The following SYNJ2 variants were observed in gnomAD, a reference collection of about 807,000 sequenced individuals.
SYNJ2 encodes polyphosphatidylinositol phosphatase SYNJ2.
A neutral mutation model predicts 141.3 loss-of-function variants in SYNJ2; 116 were observed. The ratio of observed to expected loss-of-function variants is 0.82; its 90% CI spans 0.71 to 0.96. The LOEUF (loss-of-function observed/expected upper bound fraction) is 0.96, where lower values mean the gene tolerates loss of function less well. Among genes scored for constraint, SYNJ2 ranks in the 40% least tolerant of loss-of-function variants. The pLI is 0.00. For missense variants in SYNJ2, 1,873 were observed against 1,934.8 expected (o/e 0.97, Z 0.60); for synonymous variants, 745 against 777.7 (o/e 0.96, Z 0.70).
chr6:157,989,909 G>GT (rs1554228297), intron 1 of SYNJ2, among the ~76,000 whole-genome samples: 2 of 89,816 alleles, frequency 2.2e-5, no homozygotes, highest in Non-Finnish European at 4.9e-5. Context: ...GGGCTTTTCT[G>GT]GGGGGGGCTA....
chr6:158,055,823 CCT>C (rs1193671506), intron 6 of SYNJ2, among the ~76,000 whole-genome samples: 2 of 152,082 alleles, frequency 1.3e-5, no homozygotes, highest in African/African-American at 4.8e-5. Flanking sequence ...GATGTGACCC[CCT>C]GATTAGTGTG....
At chr6:158,007,274 T>C (rs918840368) in intron 1 of SYNJ2, among the ~76,000 whole-genome samples, 2 of 152,148 alleles carry the variant, frequency 1.3e-5, no homozygotes, top group African/African-American at 4.8e-5. Flanking sequence ...GGCCCCATGA[T>C]TGTAAATAAC....
At chr6:158,051,753 C>T (rs1780577469) in intron 5 of SYNJ2, among the ~76,000 whole-genome samples, 1 of 149,424 alleles carries the variant, frequency 6.7e-6, no homozygotes, top group African/African-American at 2.5e-5. Context: ...TCAAGACCAA[C>T]GTGGGCAGCA....
At chr6:158,012,707 AT>A (rs1583315833) in intron 1 of SYNJ2, among the ~76,000 whole-genome samples, 1 of 152,174 alleles carries the variant, frequency 6.6e-6, no homozygotes, top group Non-Finnish European at 1.5e-5. Context: ...CTAATATGCT[AT>A]TTTGCCACCA....
At chr6:158,057,666 C>T (rs1482960056) in intron 6 of SYNJ2, among the ~76,000 whole-genome samples, 1 of 152,168 alleles carries the variant, frequency 6.6e-6, no homozygotes, top group Non-Finnish European at 1.5e-5. Context: ...GCTTTGGAAC[C>T]AGTTGAGAAG....
chr6:158,052,823 A>T (rs1339487954), intron 5 of SYNJ2, among the ~76,000 whole-genome samples: 3 of 152,338 alleles, frequency 2.0e-5, no homozygotes, highest in East Asian at 1.9e-4. Flanking sequence ...ACTCTCCTAC[A>T]TATAGTATAG....
rs1481456048 is a variant in SYNJ2 at position 158,081,100 on chromosome 6, C to T, written c.2568-9C>T. The T allele has an allele frequency of 1.2e-6, 2 of 1,613,182 alleles. No homozygotes were observed. The highest frequency in any genetic ancestry group is 3.3e-5 in the Admixed American group (2 of 60,000). ...GCTAACTGTCATCCCTCTTTTGTTC[C>T]TAACGCAGACCTGTGCTGGCGATCG... On this transcript the variant is annotated splice_polypyrimidine_tract_variant and intron_variant, in intron 18 of 26. Coordinates refer to ENST00000355585, the MANE Select transcript of SYNJ2 (RefSeq NM_003898.4).
intron 25 of SYNJ2, among the ~76,000 whole-genome samples, chr6:158,091,855 G>A (rs1783478741): frequency 6.6e-6 from 1 of 152,052 alleles, no homozygotes; most frequent in African/African-American, 2.4e-5. Context: ...GCCACATAGT[G>A]TACCATCCCC....
intron 5 of SYNJ2, among the ~76,000 whole-genome samples, chr6:158,046,571 T>C (rs753500587): frequency 2.6e-5 from 4 of 152,210 alleles, no homozygotes; most frequent in Non-Finnish European, 4.4e-5. Context: ...GCTGCAATGC[T>C]GTCCCTCCTT....
At chr6:157,993,809 T>G (rs1347616038) in intron 1 of SYNJ2, among the ~76,000 whole-genome samples, 8 of 105,522 alleles carry the variant, frequency 7.6e-5, no homozygotes, top group South Asian at 3.8e-4. Context: ...TTTTTTTTTT[T>G]TTTTTTTTTT....
chr6:158,022,163 A>G (rs1223838889), intron 2 of SYNJ2, among the ~76,000 whole-genome samples: 1 of 152,206 alleles, frequency 6.6e-6, no homozygotes, highest in Non-Finnish European at 1.5e-5. Context: ...CCCCCTTCAC[A>G]GGTGGGAAAG....
chr6:158,042,741 G>A (rs1780016619), intron 4 of SYNJ2, among the ~76,000 whole-genome samples: 1 of 152,220 alleles, frequency 6.6e-6, no homozygotes, highest in South Asian at 2.1e-4. Context: ...TGTTGTGTGT[G>A]TTAACTGAGT....
intron 1 of SYNJ2, among the ~76,000 whole-genome samples, chr6:158,014,696 T>A (rs2128326463): frequency 6.6e-6 from 1 of 152,366 alleles, no homozygotes; most frequent in South Asian, 2.1e-4. Flanking sequence ...AGAACCAGCC[T>A]GGACAGAGCC....
chr6:158,067,564 T>A (rs1781645330), intron 12 of SYNJ2: 1 of 985,316 alleles, frequency 1.0e-6, no homozygotes, highest in Non-Finnish European at 1.2e-6. Flanking sequence ...TTTTTTTGTT[T>A]GTTTGTTTTT....
chr6:158,037,358 C>T lies in SYNJ2; in HGVS notation c.711+3678C>T, dbSNP rs1779690475. Among the ~76,000 whole-genome samples, 3 of 150,642 alleles carry T rather than the reference C, an allele frequency of 2.0e-5. No individual in the cohort carries two copies. The South Asian group carries it at 6.3e-4, about 32-fold the overall frequency. ...GTGTCTCTCCAGGACTCCAGTCGTA[C>T]TGGATCAGGGACCCACCCTACTCCA... On this transcript the variant is annotated intron_variant, in intron 4 of 26. Coordinates refer to ENST00000355585, the MANE Select transcript of SYNJ2 (RefSeq NM_003898.4).
chr6:158,067,837 C>T, intron 12 of SYNJ2: 2 of 985,314 alleles, frequency 2.0e-6, no homozygotes, highest in African/African-American at 1.7e-5. Flanking sequence ...CTTGTGGTGC[C>T]TCCAGAAGCC....
In SYNJ2 at chr6:158,076,727, C is replaced by G. The variant is rs773447167; in HGVS notation, c.2394C>G (p.Pro798=). ...ATACAAGCGACAAATGCCGCACCCC[C>G]GCCTGGACAGACAGGGTGCTGTGGT... ...AYDTSDKCRT[P]AWTDRVLWWR... The change falls in exon 17 of 27, where the codon CCC becomes CCG. Residue 798 remains proline, a synonymous_variant. Coordinates refer to ENST00000355585, the MANE Select transcript of SYNJ2 (RefSeq NM_003898.4). 5 of 1,614,200 alleles carry G rather than the reference C, an allele frequency of 3.1e-6. No homozygotes were observed. Among genetic ancestry groups the G allele is most frequent in the Non-Finnish European group, 4.2e-6 (5 of 1,180,044 alleles).
rs1035266297 is a variant in SYNJ2, at chr6:158,043,581, C to A, written c.795+182C>A. ...GTGCACACGTGTGTGCATATGCATG[C>A]GTGCGTGTGTGTAGAAAACACAGAC... is the stretch of plus-strand genomic sequence containing the variant. On this transcript the variant is annotated intron_variant, in intron 5 of 26. Transcript: ENST00000355585. This position sits in a 1 kb window ranked among gnomAD's most constrained non-coding sequence, Gnocchi z 4.0. 6.6e-6 allele frequency among the ~76,000 whole-genome samples: 1 copy of A among 152,200 alleles called. No individual in the cohort carries two copies. Among genetic ancestry groups the A allele is most frequent in the African/African-American group, 2.4e-5 (1 of 41,438 alleles).
chr6:158,049,070 T>A (rs1284728755), intron 5 of SYNJ2, among the ~76,000 whole-genome samples: 1 of 152,074 alleles, frequency 6.6e-6, no homozygotes, highest in Non-Finnish European at 1.5e-5. Flanking sequence ...CTGCGATCCT[T>A]GGGCCTCTTG....
Sources: gnomAD v4.1 joint callset for allele counts (sites outside exome capture counted in the v4.1 genomes callset) on GRCh38, gnomAD v4.1.1 for gene constraint, Gnocchi (gnomAD v3.1) non-coding constraint, MANE v1.5 for transcripts, NCBI Gene and HGNC (gene_info 2026-07-23, HGNC 2026-07-21) for gene names.